Variants in PIGN observed in about 807,000 individuals in gnomAD.
The protein encoded by PIGN is phosphatidylinositol glycan anchor biosynthesis class N.
Under a neutral mutation model 125.4 loss-of-function variants are expected in PIGN, and 117 were observed. That is an observed-to-expected ratio of 0.93 (90% CI 0.80 to 1.09). The LOEUF (loss-of-function observed/expected upper bound fraction) is 1.09. Among genes scored for constraint, PIGN ranks in the 50% least tolerant of loss-of-function variants. The probability of loss-of-function intolerance (pLI) is 0.00; values close to 1 mark genes in which losing one functional copy is unlikely to be tolerated. For synonymous variants in PIGN, 392 were observed against 377.8 expected, an observed-to-expected ratio of 1.04 and a Z score of -0.44; for missense variants, 1,075 against 1,094.9, an observed-to-expected ratio of 0.98 and a Z score of 0.26.
At position 62,043,844 on chromosome 18, in the gene PIGN, A is replaced by G. The variant is rs8095708; in HGVS notation, c.*2012T>C. On this transcript the variant is annotated 3_prime_UTR_variant, in exon 31 of 31. Transcript: ENST00000640252. ...CCTAATTTAAACATTGTTAATCAGC[A>G]AATGTCCTAAGTCTTGATTCAGAAA... is the stretch of plus-strand genomic sequence containing the variant. 10,684 of 152,324 alleles carry G rather than the reference A, an allele frequency of 0.07. 531 individuals are homozygous for G. The highest frequency in any genetic ancestry group is 0.11 in the Non-Finnish European group (7,355 of 68,026). 9.4% of individuals were successfully genotyped at this position (152,324 alleles called of 1,614,324 possible).
At chr18:62,105,666 A>T (rs2034609993) in intron 19 of PIGN, 32 bp from the exon 20 acceptor site, 1 of 1,279,042 alleles carries the variant, frequency 7.8e-7, no homozygotes, top group Non-Finnish European at 1.1e-6. Flanking sequence ...TCTTTAGACA[A>T]ATATGGTATA....
chr18:62,157,830 T>C (rs1278453890), intron 4 of PIGN, 22 bp from the exon 5 acceptor site: 2 of 1,591,524 alleles, frequency 1.3e-6, no homozygotes, highest in Non-Finnish European at 1.7e-6. Context: ...TAAAGACAAA[T>C]AGTTAACACA....
intron 30 of PIGN, among the ~76,000 whole-genome samples, chr18:62,054,141 C>G (rs954653640): frequency 6.6e-6 from 1 of 152,130 alleles, no homozygotes; most frequent in Non-Finnish European, 1.5e-5. Flanking sequence ...GCACCCCATC[C>G]CCCTGAAAGA....
intron 23 of PIGN, among the ~76,000 whole-genome samples, chr18:62,032,818 TA>T (rs1287804847): frequency 6.6e-6 from 1 of 152,246 alleles, no homozygotes; most frequent in African/African-American, 2.4e-5. Context: ...GTAAAGCATT[TA>T]AAACAGCGTC....
intron 20 of PIGN, among the ~76,000 whole-genome samples, chr18:62,103,407 T>A (rs1333239745): frequency 6.7e-6 from 1 of 150,310 alleles, no homozygotes; most frequent in Admixed American, 6.6e-5. Flanking sequence ...ACCTTGGTAT[T>A]TTCCTCAGCT....
At chr18:62,093,249 C>T (rs2034044239) in intron 23 of PIGN, among the ~76,000 whole-genome samples, 1 of 151,942 alleles carries the variant, frequency 6.6e-6, no homozygotes, top group Non-Finnish European at 1.5e-5. Context: ...GAATTTATTT[C>T]CTTTCAAAAA....
chr18:62,138,079 T>C, intron 14 of PIGN, 164 bp downstream of exon 14: 2 of 969,106 alleles, frequency 2.1e-6, no homozygotes, highest in South Asian at 3.5e-5. Flanking sequence ...ACCTGGCTCA[T>C]TATTTAACAA....
intron 10 of PIGN, among the ~76,000 whole-genome samples, chr18:62,143,555 C>T (rs1200189052): frequency 6.6e-6 from 1 of 151,674 alleles, no homozygotes; most frequent in African/African-American, 2.4e-5. Context: ...TTGGTGTTTC[C>T]TGTGATGATT....
At chr18:62,146,144 A>G (rs1335927397) in intron 9 of PIGN, 119 bp from the exon 10 acceptor site, 2 of 435,708 alleles carry the variant, frequency 4.6e-6, no homozygotes, top group East Asian at 7.0e-5. Flanking sequence ...TCTAGTGACT[A>G]CATTACCAAA....
At chr18:62,183,625 CTG>C (rs1183196278) in intron 1 of PIGN, among the ~76,000 whole-genome samples, 1 of 152,216 alleles carries the variant, frequency 6.6e-6, no homozygotes. Flanking sequence ...GAATTAATGT[CTG>C]TCTCTGTCAC....
rs1189288470 is a variant in PIGN at position 62,043,656 on chromosome 18, A to G, written c.*2200T>C. ...TTCTAAATACTGTACACTAAGTATA[A>G]TAATTAACATATTGGAAAATGACAG... On this transcript the variant is annotated 3_prime_UTR_variant, in exon 31 of 31. Transcript: ENST00000640252. 1 of 152,248 alleles carries G rather than the reference A, an allele frequency of 6.6e-6. No individual in the cohort carries two copies. The highest frequency in any genetic ancestry group is 1.5e-5 in the Non-Finnish European group (1 of 68,044). 9.4% of individuals were successfully genotyped at this position (152,248 alleles called of 1,614,324 possible). A position where few individuals can be genotyped will look rare whatever the true frequency, so the allele number is the denominator to read the frequency against.
intron 1 of PIGN, among the ~76,000 whole-genome samples, chr18:62,180,500 T>A (rs2037678940): frequency 6.6e-6 from 1 of 152,184 alleles, no homozygotes; most frequent in South Asian, 2.1e-4. Flanking sequence ...TAAATCCCCC[T>A]AATTGCTTGA....
At chr18:62,035,934 TA>T (rs1254397823) in intron 23 of PIGN, among the ~76,000 whole-genome samples, 3 of 152,208 alleles carry the variant, frequency 2.0e-5, no homozygotes, top group Non-Finnish European at 2.9e-5. Flanking sequence ...GGTGAGCAGC[TA>T]AGGGATTCTA....
At chr18:62,034,576 C>T (rs750403067) in intron 23 of PIGN, among the ~76,000 whole-genome samples, 25 of 152,156 alleles carry the variant, frequency 1.6e-4, no homozygotes, top group Non-Finnish European at 2.8e-4. Context: ...ATCAGTGTGA[C>T]CTGGATGTGA....
intron 16 of PIGN, 135 bp from the exon 17 acceptor site, chr18:62,110,108 C>G: frequency 1.4e-6 from 1 of 735,952 alleles, no homozygotes; most frequent in African/African-American, 1.8e-5. Flanking sequence ...AATCAAAGAG[C>G]TGCATTAAGA....
At position 62,085,273 on chromosome 18, in the gene PIGN, A is replaced by T; in HGVS notation, c.2371-9T>A. The T allele has an allele frequency of 6.5e-6, 10 of 1,537,208 alleles. No individual in the cohort carries two copies. The highest frequency in any genetic ancestry group is 8.8e-6 in the Non-Finnish European group (10 of 1,135,062). On this transcript the variant is annotated splice_polypyrimidine_tract_variant and intron_variant, in intron 25 of 30. Transcript: ENST00000640252. ...GTCACTAAGAAGAAAACCTAAAGGG[A>T]GTCAAGGAAATGGCAAAACAACTCA...
chr18:62,140,716 T>A (rs1427559668), intron 11 of PIGN, among the ~76,000 whole-genome samples: 2 of 152,110 alleles, frequency 1.3e-5, no homozygotes, highest in Admixed American at 1.3e-4. Flanking sequence ...TAAAACATAC[T>A]AAAACAAAAA....
intron 7 of PIGN, among the ~76,000 whole-genome samples, chr18:62,152,388 TATA>T (rs1247675085): frequency 1.3e-5 from 2 of 151,874 alleles, no homozygotes; most frequent in Non-Finnish European, 2.9e-5. Flanking sequence ...GCCAGAGAGG[TATA>T]ATGAGGCATG....
At chr18:62,167,800 G>C (rs2037207220) in intron 1 of PIGN, among the ~76,000 whole-genome samples, 1 of 151,980 alleles carries the variant, frequency 6.6e-6, no homozygotes, top group Non-Finnish European at 1.5e-5. Context: ...CAATGATCAT[G>C]AGCAACTTTT....
Sources: allele counts gnomAD v4.1 joint callset (sites outside exome capture counted in the v4.1 genomes callset), GRCh38; gene constraint gnomAD v4.1.1; transcripts MANE v1.5; gene names NCBI Gene and HGNC (gene_info 2026-07-23, HGNC 2026-07-21).